Variants in TOP2B observed in about 807,000 individuals in gnomAD.
TOP2B encodes the protein DNA topoisomerase II beta.
Under a neutral mutation model 193.5 loss-of-function variants are expected in TOP2B, and 51 were observed. The observed-to-expected ratio is 0.26, with a 90% CI of 0.21 to 0.33. The LOEUF is 0.33. Ranked by LOEUF, TOP2B falls within the 10% of genes least tolerant of loss-of-function variation. The pLI, the probability that TOP2B is intolerant of heterozygous loss-of-function variation, is 1.00. For synonymous variants in TOP2B, 634 were observed against 635.7 expected, an observed-to-expected ratio of 1.00 and a Z score of 0.04; for missense variants, 1,378 against 1,909.3, an observed-to-expected ratio of 0.72 and a Z score of 5.19.
intron 29 of TOP2B, 59 bp from the exon 30 acceptor site, chr3:25,609,403 A>G: frequency 6.8e-7 from 1 of 1,479,700 alleles, no homozygotes; most frequent in Non-Finnish European, 9.0e-7. Context: ...GTCATTAGTA[A>G]AAATAAAATT....
chr3:25,624,811 TA>T lies in TOP2B; in HGVS notation c.2225-9del. ...GCTGGCCAGGTTTAAAGCCTATTTTTAAAAGAGCTCTTTTAAAATGTTACTT... is the reference window on the plus strand; with the variant it reads ...GCTGGCCAGGTTTAAAGCCTATTTTTAAAGAGCTCTTTTAAAATGTTACTT... On this transcript the variant is annotated splice_polypyrimidine_tract_variant and intron_variant, in intron 18 of 35. Coordinates refer to ENST00000264331, the MANE Select transcript of TOP2B (RefSeq NM_001330700.2). The T allele has an allele frequency of 6.2e-7, 1 of 1,609,560 alleles. No homozygotes were observed. Among genetic ancestry groups the T allele is most frequent in the East Asian group, 2.2e-5 (1 of 44,812 alleles).
intron 34 of TOP2B, among the ~76,000 whole-genome samples, 178 bp from the exon 35 acceptor site, chr3:25,599,707 C>A (rs1702040895): frequency 6.6e-6 from 1 of 152,180 alleles, no homozygotes; most frequent in Admixed American, 6.5e-5. Flanking sequence ...CTGGGGTTGA[C>A]ATGACCAAAG....
In TOP2B at chr3:25,612,451, T is replaced by G. The variant is rs1337917999; in HGVS notation, c.3786+64A>C. The G allele has an allele frequency of 3.1e-6, 4 of 1,279,550 alleles. No individual in the cohort carries two copies. In the African/African-American group the frequency reaches 6.0e-5, roughly 19 times the overall value. 79.3% of individuals were successfully genotyped at this position (1,279,550 alleles called of 1,614,324 possible). A position where few individuals can be genotyped will look rare whatever the true frequency, so the allele number is the denominator to read the frequency against. On this transcript the variant is annotated intron_variant, in intron 28 of 35. Transcript: ENST00000264331. ...CATGATTTAAACACGCATTAAAATT[T>G]TTTAAATTATACATATATTTCATTA...
At position 25,638,279 on chromosome 3, in the gene TOP2B, C is replaced by G. The variant is rs777233432; in HGVS notation, c.427G>C (p.Gly143Arg). 8.9e-7 allele frequency: 1 copy of G among 1,122,720 alleles called. No individual in the cohort carries two copies. The allele number at this position is 1,122,720 out of a possible 1,614,324, so 69.5% of individuals were successfully genotyped here. ...ESNIISIWNN[G>R]KGIPVVEHKV... ...TGTTCTACTACTGGAATGCCTTTCC[C>G]ATTATTCCAAATGCTTATAATGTTA... Residue 143 changes from glycine to arginine, a missense_variant, in exon 5 of 36, where the codon GGG becomes CGG. Physicochemically the swap from Gly to Arg is moderately radical, Grantham distance 125. This residue lies in a region of TOP2B where 9 missense variants were observed against 36.6 expected (regional missense o/e 0.25). Transcript: ENST00000264331.
At chr3:25,657,922 G>C (rs188493041) in intron 1 of TOP2B, among the ~76,000 whole-genome samples, 3 of 139,694 alleles carry the variant, frequency 2.1e-5, no homozygotes, top group Non-Finnish European at 3.0e-5. Flanking sequence ...TTAGCCGGGC[G>C]TAGTGGCGGG....
intron 10 of TOP2B, among the ~76,000 whole-genome samples, chr3:25,631,824 A>C (rs1318020432): frequency 2.2e-4 from 34 of 152,138 alleles, no homozygotes. Context: ...TTAGAACCTA[A>C]AAAACAACTT....
intron 21 of TOP2B, among the ~76,000 whole-genome samples, chr3:25,621,672 T>G (rs909012899): frequency 2.0e-5 from 3 of 152,062 alleles, no homozygotes; most frequent in African/African-American, 7.2e-5. Context: ...TCTAAAATTC[T>G]TATTCGTTAT....
At chr3:25,630,201 A>G (rs1371071150) in intron 12 of TOP2B, 47 bp from the exon 13 acceptor site, 1 of 1,524,814 alleles carries the variant, frequency 6.6e-7, no homozygotes, top group African/African-American at 1.4e-5. Flanking sequence ...GTGTTGAAAT[A>G]TACGAGTCAG....
intron 10 of TOP2B, 102 bp downstream of exon 10, chr3:25,632,344 A>T (rs3736602): frequency 2.0e-6 from 2 of 1,004,144 alleles, no homozygotes. Context: ...TTATACCCAC[A>T]GTTAATACGA....
At chr3:25,612,806 T>A in intron 27 of TOP2B, 97 bp from the exon 28 acceptor site, 1 of 863,104 alleles carries the variant, frequency 1.2e-6, no homozygotes, top group Non-Finnish European at 1.8e-6. Flanking sequence ...ATTCACTCAG[T>A]AAAGAATAAA....
intron 26 of TOP2B, 66 bp from the exon 27 acceptor site, chr3:25,615,354 A>G: frequency 6.4e-7 from 1 of 1,552,596 alleles, no homozygotes; most frequent in South Asian, 1.2e-5. Flanking sequence ...AAATCAAAAT[A>G]CTTATTTTTG....
At chr3:25,604,354 G>A (rs537549558) in intron 33 of TOP2B, among the ~76,000 whole-genome samples, 1 of 152,284 alleles carries the variant, frequency 6.6e-6, no homozygotes, top group East Asian at 1.9e-4. Context: ...GAAAAAGAGA[G>A]AAGCTGCATG....
In TOP2B at chr3:25,643,724, C is replaced by T. The variant is rs1167069512; in HGVS notation, c.301G>A (p.Gly101Ser). The part of the protein sequence containing the change: ...MNCREVTFVP[G>S]LYKIFDEILV... Reference sequence around the variant, plus strand: ...ATTTCATCAAAGATCTTGTATAAACCTGGCACAAAGGTAACCTCCCTGCAA... The same window carrying T: ...ATTTCATCAAAGATCTTGTATAAACTTGGCACAAAGGTAACCTCCCTGCAA... The change falls in exon 3 of 36, where the codon GGT (glycine) becomes AGT (serine). Residue 101 changes from glycine to serine, a missense_variant. Transcript: ENST00000264331. 4 of 1,613,194 alleles carry T rather than the reference C, an allele frequency of 2.5e-6. No individual in the cohort carries two copies. The highest frequency in any genetic ancestry group is 3.4e-6 in the Non-Finnish European group (4 of 1,179,550).
At chr3:25,635,892 C>T in intron 7 of TOP2B, 44 bp downstream of exon 7, 1 of 1,535,314 alleles carries the variant, frequency 6.5e-7, no homozygotes, top group Non-Finnish European at 9.0e-7. Context: ...AATATTCTCT[C>T]TATAAAATAA....
intron 1 of TOP2B, among the ~76,000 whole-genome samples, chr3:25,651,549 G>A (rs1703590502): frequency 6.6e-6 from 1 of 151,970 alleles, no homozygotes; most frequent in Non-Finnish European, 1.5e-5. Context: ...TGGCAATAGT[G>A]AGTCCATGTC....
chr3:25,618,799 G>C lies in TOP2B; in HGVS notation c.3114C>G (p.Asp1038Glu). The change falls in exon 24 of 36, where the codon GAC becomes GAG. Residue 1038 changes from aspartate to glutamate, a missense_variant. Asp to Glu is a conservative substitution (Grantham distance 45). Around this residue, in one of 9 missense-constraint regions of TOP2B, gnomAD observed 379 missense variants for 615.1 expected, o/e 0.62. Transcript: ENST00000264331. The part of the protein sequence containing the change: ...GCLKKYETVQ[D>E]ILKEFFDLRL... ...GTAAATCAAAGAATTCTTTCAGAAT[G>C]TCTTGCACAGTTTCATATTTCTTCA... The C allele has an allele frequency of 1.2e-6, 2 of 1,610,740 alleles. No homozygotes were observed. Among genetic ancestry groups the C allele is most frequent in the Non-Finnish European group, 1.7e-6 (2 of 1,178,198 alleles).
chr3:25,617,948 A>T (rs1352808134), intron 25 of TOP2B, among the ~76,000 whole-genome samples: 1 of 152,206 alleles, frequency 6.6e-6, no homozygotes, highest in East Asian at 1.9e-4. Flanking sequence ...TTGGTGTTTG[A>T]TAAATACTGT....
In TOP2B at chr3:25,629,212, A is replaced by C. The variant is rs1329470325; in HGVS notation, c.1690-67T>G. ...TATAAAATGATTACTTATATAAACA[A>C]ATTTTAAAACGTGAATGCAAAAAAC... On this transcript the variant is annotated intron_variant, in intron 13 of 35. Transcript: ENST00000264331. 2.5e-6 allele frequency: 3 copies of C among 1,200,874 alleles called. No homozygotes were observed. In the African/African-American group the frequency reaches 4.7e-5, roughly 19 times the overall value. 74.4% of individuals were successfully genotyped at this position (1,200,874 alleles called of 1,614,324 possible). A position where few individuals can be genotyped will look rare whatever the true frequency, so the allele number is the denominator to read the frequency against.
intron 1 of TOP2B, among the ~76,000 whole-genome samples, chr3:25,647,956 C>G (rs1342372722): frequency 6.6e-6 from 1 of 152,206 alleles, no homozygotes; most frequent in East Asian, 1.9e-4. Context: ...TCCAGCACCC[C>G]AGGTGAGCAT....
Sources: allele counts gnomAD v4.1 joint callset (sites outside exome capture counted in the v4.1 genomes callset), GRCh38; gene constraint gnomAD v4.1.1; regional missense constraint gnomAD v4.1.1; transcripts MANE v1.5; gene names NCBI Gene and HGNC (gene_info 2026-07-23, HGNC 2026-07-21).